Variants in STK32B observed in about 807,000 individuals in gnomAD.
The protein encoded by STK32B is serine/threonine-protein kinase 32B.
A neutral mutation model predicts 52.6 loss-of-function variants in STK32B; 43 were observed. That is an observed-to-expected ratio of 0.82 (90% CI 0.64 to 1.05). STK32B has a LOEUF of 1.05. Among genes scored for constraint, STK32B ranks in the 50% least tolerant of loss-of-function variants. STK32B has a pLI of 0.00. For synonymous variants in STK32B, 238 were observed against 204.3 expected, an observed-to-expected ratio of 1.17 and a Z score of -1.41; for missense variants, 621 against 534.6, an observed-to-expected ratio of 1.16 and a Z score of -1.59.
chr4:5,315,682 CTTT>C (rs199584251), intron 3 of STK32B, among the ~76,000 whole-genome samples: 4 of 120,484 alleles, frequency 3.3e-5, no homozygotes, highest in Non-Finnish European at 3.7e-5. Context: ...TTTTCTTTTT[CTTT>C]TTTTTTTTTT....
chr4:5,452,132 C>T (rs1310859229), intron 7 of STK32B, among the ~76,000 whole-genome samples: 3 of 152,192 alleles, frequency 2.0e-5, no homozygotes, highest in Non-Finnish European at 2.9e-5. Flanking sequence ...TTGGTGCCCA[C>T]TCCATGGGGA....
At chr4:5,342,214 G>A (rs1733129876) in intron 4 of STK32B, among the ~76,000 whole-genome samples, 1 of 152,100 alleles carries the variant, frequency 6.6e-6, no homozygotes, top group Admixed American at 6.5e-5. Context: ...TTACCCAAAG[G>A]TTTATAAATC....
At chr4:5,324,722 C>T (rs1470663229) in intron 3 of STK32B, among the ~76,000 whole-genome samples, 1 of 152,156 alleles carries the variant, frequency 6.6e-6, no homozygotes, top group Non-Finnish European at 1.5e-5. Flanking sequence ...TTTGGGAACC[C>T]TGCACTATGC....
intron 4 of STK32B, among the ~76,000 whole-genome samples, chr4:5,333,057 T>C (rs1732383249): frequency 6.6e-6 from 1 of 151,562 alleles, no homozygotes; most frequent in Admixed American, 6.6e-5. Flanking sequence ...TCTGGATCCC[T>C]GAGGAATCGC....
intron 3 of STK32B, among the ~76,000 whole-genome samples, chr4:5,198,617 T>C (rs1425189206): frequency 6.6e-6 from 1 of 152,096 alleles, no homozygotes. Context: ...CTCTGCAGCA[T>C]ATTTAGGCCC....
At chr4:5,487,306 G>GCAGT (rs1719306927) in intron 11 of STK32B, among the ~76,000 whole-genome samples, 1 of 152,190 alleles carries the variant, frequency 6.6e-6, no homozygotes, top group Admixed American at 6.5e-5. Flanking sequence ...ATGGGCATGA[G>GCAGT]CAGTCATCTG....
At chr4:5,203,656 CA>C (rs1209175418) in intron 3 of STK32B, among the ~76,000 whole-genome samples, 1 of 152,214 alleles carries the variant, frequency 6.6e-6, no homozygotes, top group Non-Finnish European at 1.5e-5. Context: ...ATACGGCGCA[CA>C]GTACTCAATC....
At chr4:5,459,652 GCCACT>G (rs1423837211) in intron 8 of STK32B, among the ~76,000 whole-genome samples, 1 of 152,196 alleles carries the variant, frequency 6.6e-6, no homozygotes, top group Non-Finnish European at 1.5e-5. Flanking sequence ...TACAAATGAG[GCCACT>G]TCATTAGGTC....
intron 4 of STK32B, among the ~76,000 whole-genome samples, chr4:5,337,021 C>G (rs573313074): frequency 1.3e-5 from 2 of 152,122 alleles, no homozygotes; most frequent in African/African-American, 2.4e-5. Flanking sequence ...TGCTGTCGTT[C>G]AGGCTAGAGT....
At chr4:5,383,792 A>G (rs1336318324) in intron 4 of STK32B, among the ~76,000 whole-genome samples, 1 of 152,188 alleles carries the variant, frequency 6.6e-6, no homozygotes, top group South Asian at 2.1e-4. Context: ...CCATTCAACT[A>G]TCCACGCAGC....
intron 3 of STK32B, among the ~76,000 whole-genome samples, chr4:5,207,792 C>G (rs1481613096): frequency 6.6e-6 from 1 of 151,790 alleles, no homozygotes; most frequent in Admixed American, 6.6e-5. Flanking sequence ...TCACTTTTTG[C>G]TGCCTGCTTT....
At chr4:5,459,874 C>G (rs911041456) in intron 8 of STK32B, among the ~76,000 whole-genome samples, 1 of 152,238 alleles carries the variant, frequency 6.6e-6, no homozygotes, top group African/African-American at 2.4e-5. Context: ...CCCTAACAGT[C>G]CCTCACTGGA....
At chr4:5,350,390 C>T in intron 4 of STK32B, among the ~76,000 whole-genome samples, 1 of 151,978 alleles carries the variant, frequency 6.6e-6, no homozygotes, top group Non-Finnish European at 1.5e-5. Flanking sequence ...AGCATTAGAC[C>T]AGCCCTACAA....
intron 7 of STK32B, among the ~76,000 whole-genome samples, chr4:5,451,627 C>T (rs779511361): frequency 6.6e-6 from 1 of 152,088 alleles, no homozygotes; most frequent in African/African-American, 2.4e-5. Context: ...TTCTCCACCT[C>T]GGCACTATGG....
intron 3 of STK32B, among the ~76,000 whole-genome samples, chr4:5,308,205 C>G (rs1161403676): frequency 6.6e-6 from 1 of 152,160 alleles, no homozygotes; most frequent in Non-Finnish European, 1.5e-5. Flanking sequence ...AGATTATGTC[C>G]TTTGTCTTCA....
chr4:5,371,036 A>G (rs1004628243), intron 4 of STK32B, among the ~76,000 whole-genome samples: 1 of 150,460 alleles, frequency 6.6e-6, no homozygotes, highest in Non-Finnish European at 1.5e-5. Flanking sequence ...ATATATATGT[A>G]TATATATGTG....
At chr4:5,057,112 C>T (rs577315082) in intron 1 of STK32B, among the ~76,000 whole-genome samples, 5 of 152,302 alleles carry the variant, frequency 3.3e-5, no homozygotes, top group Admixed American at 6.5e-5. Context: ...GGGCATAGAG[C>T]GGCCATTTGT....
intron 2 of STK32B, among the ~76,000 whole-genome samples, chr4:5,167,999 C>T (rs1456786358): frequency 6.6e-6 from 1 of 152,202 alleles, no homozygotes; most frequent in Non-Finnish European, 1.5e-5. Context: ...TCCTCGTGGG[C>T]TGTGAGCCCC....
At chr4:5,160,447 T>G (rs1718350965) in intron 2 of STK32B, among the ~76,000 whole-genome samples, 1 of 152,152 alleles carries the variant, frequency 6.6e-6, no homozygotes, top group Non-Finnish European at 1.5e-5. Flanking sequence ...TGCCCTCTCC[T>G]GGTAACCCCC....
Sources: gnomAD v4.1 joint callset for allele counts (sites outside exome capture counted in the v4.1 genomes callset) on GRCh38, gnomAD v4.1.1 for gene constraint, MANE v1.5 for transcripts, NCBI Gene and HGNC (gene_info 2026-07-23, HGNC 2026-07-21) for gene names.